ZC2HC1A: variants seen among roughly 807,000 people sequenced by gnomAD.
ZC2HC1A encodes zinc finger C2HC domain-containing protein 1A.
Under a neutral mutation model 40.7 loss-of-function variants are expected in ZC2HC1A, and 28 were observed. That is an observed-to-expected ratio of 0.69 (90% confidence interval 0.51 to 0.94). The LOEUF (loss-of-function observed/expected upper bound fraction) is 0.94. ZC2HC1A is among the 40% of genes least tolerant of loss of function. The pLI, the probability that ZC2HC1A is intolerant of heterozygous loss-of-function variation, is 0.00. For synonymous variants in ZC2HC1A, 129 were observed against 129.2 expected (o/e 1.00, Z 0.01); for missense variants, 389 against 386.3 (o/e 1.01, Z -0.06).
At chr8:78,703,916 C>T (rs181366849) in intron 7 of ZC2HC1A, among the ~76,000 whole-genome samples, 9 of 152,222 alleles carry the variant, frequency 5.9e-5, no homozygotes, top group East Asian at 1.9e-4. Flanking sequence ...TGTAGTGGCT[C>T]GTAATTGTCT....
chr8:78,670,154 A>G (rs1367848309), intron 1 of ZC2HC1A, among the ~76,000 whole-genome samples: 1 of 151,540 alleles, frequency 6.6e-6, no homozygotes, highest in Non-Finnish European at 1.5e-5. Flanking sequence ...TTTAGTAGAG[A>G]TGGGGTTTCT....
At chr8:78,707,851 TTTTC>T (rs1810824063) in intron 7 of ZC2HC1A, among the ~76,000 whole-genome samples, 1 of 83,550 alleles carries the variant, frequency 1.2e-5, no homozygotes. Context: ...CTTCCTTTTT[TTTTC>T]TTTTTTTTTT....
chr8:78,711,853 C>A (rs1179470240), intron 7 of ZC2HC1A: 5 of 431,710 alleles, frequency 1.2e-5, no homozygotes, highest in Non-Finnish European at 1.6e-5. Flanking sequence ...GACATTAGTT[C>A]TTACCTTGAC....
chr8:78,713,593 T>C (rs186337146), intron 7 of ZC2HC1A, among the ~76,000 whole-genome samples: 19 of 152,164 alleles, frequency 1.2e-4, no homozygotes, highest in African/African-American at 4.1e-4. Flanking sequence ...AAGAGTAGAG[T>C]AAACCTCATG....
rs370653445 is a variant in ZC2HC1A, at chr8:78,675,806, A to C, written c.36A>C (p.Gln12His). 2.5e-6 allele frequency: 4 copies of C among 1,609,632 alleles called. No homozygotes were observed. The highest frequency in any genetic ancestry group is 3.4e-6 in the Non-Finnish European group (4 of 1,177,398). Residue 12 changes from glutamine to histidine, a missense_variant, in exon 2 of 9, where the codon CAA becomes CAC. Coordinates refer to ENST00000263849, the MANE Select transcript of ZC2HC1A (RefSeq NM_016010.3). ...EGLEENGGVV[Q>H]VGELLPCKIC... is the part of the protein sequence containing the mutation. ...TTTTAGAGAATGGAGGTGTTGTCCA[A>C]GTTGGAGAATTGTTACCTTGCAAGA...
chr8:78,687,874 AATAT>A (rs1436154147), intron 4 of ZC2HC1A, among the ~76,000 whole-genome samples: 2 of 133,496 alleles, frequency 1.5e-5, no homozygotes. Context: ...CTATATAATA[AATAT>A]ATATTTATAT....
chr8:78,710,916 T>A (rs1238846427), intron 7 of ZC2HC1A, among the ~76,000 whole-genome samples: 28 of 152,104 alleles, frequency 1.8e-4, no homozygotes. Flanking sequence ...CAAAAATTAA[T>A]AAAATGTGTC....
intron 7 of ZC2HC1A, among the ~76,000 whole-genome samples, chr8:78,701,597 C>T (rs1447248160): frequency 6.6e-6 from 1 of 152,124 alleles, no homozygotes; most frequent in Non-Finnish European, 1.5e-5. Flanking sequence ...ATGCTTCCAG[C>T]TTTTTCCCAT....
rs755939375 is a variant in ZC2HC1A, at chr8:78,698,428, A to G, written c.619A>G (p.Lys207Glu). 9.3e-6 allele frequency: 15 copies of G among 1,612,226 alleles called. No individual in the cohort carries two copies. Among genetic ancestry groups the G allele is most frequent in the African/African-American group, 1.3e-5 (1 of 74,850 alleles). ...GKTVVGVPSG[K>E]VSSSSSSLGN... is the part of the protein sequence containing the mutation. ...TTTATTATAAGGTGTTCCTTCAGGTAAAGTGTCTTCAAGTAGCAGCTCTTT... is the reference window on the plus strand; with the variant it reads ...TTTATTATAAGGTGTTCCTTCAGGTGAAGTGTCTTCAAGTAGCAGCTCTTT... Residue 207 changes from lysine (K) to glutamate (E), a missense_variant, in exon 7 of 9, where the codon AAA becomes GAA. By Grantham distance (56) the Lys-to-Glu change is moderately conservative (BLOSUM62 1). Transcript: ENST00000263849.
In ZC2HC1A at chr8:78,717,460, C is replaced by T; in HGVS notation, c.945C>T (p.Cys315=). The T allele has an allele frequency of 6.3e-7, 1 of 1,595,364 alleles. No individual in the cohort carries two copies. The change falls in exon 9 of 9, where the codon TGC becomes TGT. Residue 315 remains cysteine, a synonymous_variant. Coordinates refer to ENST00000263849, the MANE Select transcript of ZC2HC1A (RefSeq NM_016010.3). ...TKYPVEWAKF[C]CECGIRRMIL ...ACCCTGTAGAATGGGCCAAATTTTG[C>T]TGTGAATGTGGCATTCGAAGAATGA...
rs1322429325 is a variant in ZC2HC1A, at chr8:78,702,620, C to T, written c.704+4107C>T. Among the ~76,000 whole-genome samples, 6 of 152,256 alleles carry T rather than the reference C, an allele frequency of 3.9e-5. No individual in the cohort carries two copies. In the East Asian group the frequency reaches 1.2e-3, roughly 29 times the overall value. ...TTTAGTCCTATAAATTTCCCTTTTACACTGCCTTAGCTGTGTTCTAGAGAG... is the reference window on the plus strand; with the variant it reads ...TTTAGTCCTATAAATTTCCCTTTTATACTGCCTTAGCTGTGTTCTAGAGAG... On this transcript the variant is annotated intron_variant, in intron 7 of 8. Transcript: ENST00000263849.
At chr8:78,692,815 T>G (rs184815248) in intron 5 of ZC2HC1A, among the ~76,000 whole-genome samples, 1 of 152,262 alleles carries the variant, frequency 6.6e-6, no homozygotes, top group Non-Finnish European at 1.5e-5. Flanking sequence ...ATATGCCATG[T>G]TGGTGTGCTG....
At chr8:78,689,946 C>T (rs2130505585) in intron 5 of ZC2HC1A, among the ~76,000 whole-genome samples, 1 of 152,248 alleles carries the variant, frequency 6.6e-6, no homozygotes, top group East Asian at 1.9e-4. Flanking sequence ...GCTCTTACAT[C>T]TGTAAATCAC....
chr8:78,677,030 T>C (rs1038354828), intron 2 of ZC2HC1A, among the ~76,000 whole-genome samples: 1 of 152,032 alleles, frequency 6.6e-6, no homozygotes, highest in African/African-American at 2.4e-5. Context: ...CAGTGCTTGG[T>C]TGTTGAAATG....
At chr8:78,704,347 C>T (rs1427909877) in intron 7 of ZC2HC1A, among the ~76,000 whole-genome samples, 1 of 144,208 alleles carries the variant, frequency 6.9e-6, no homozygotes, top group East Asian at 2.0e-4. Context: ...GAGATTGCGC[C>T]ATTGTACTCC....
chr8:78,678,770 A>G, intron 3 of ZC2HC1A, 91 bp downstream of exon 3: 2 of 784,928 alleles, frequency 2.5e-6, no homozygotes, highest in South Asian at 5.3e-5. Flanking sequence ...TTAAGAATAA[A>G]CACAATTATC....
intron 5 of ZC2HC1A, among the ~76,000 whole-genome samples, chr8:78,696,225 G>A (rs545870105): frequency 2.0e-4 from 30 of 152,120 alleles, no homozygotes; most frequent in South Asian, 8.3e-4. Flanking sequence ...TAGTAGAGAC[G>A]GGGTTTCACT....
chr8:78,708,127 C>T (rs1017074224), intron 7 of ZC2HC1A, among the ~76,000 whole-genome samples: 1 of 152,144 alleles, frequency 6.6e-6, no homozygotes, highest in Admixed American at 6.5e-5. Context: ...TCGATTTATA[C>T]AGATGATTCA....
chr8:78,682,085 T>C (rs1258342500), intron 3 of ZC2HC1A, among the ~76,000 whole-genome samples: 1 of 152,076 alleles, frequency 6.6e-6, no homozygotes, highest in Non-Finnish European at 1.5e-5. Flanking sequence ...ATTCAACACA[T>C]AATTCTTGAT....
Sources: allele counts gnomAD v4.1 joint callset (sites outside exome capture counted in the v4.1 genomes callset), GRCh38; gene constraint gnomAD v4.1.1; transcripts MANE v1.5; gene names NCBI Gene and HGNC (gene_info 2026-07-23, HGNC 2026-07-21).